The following RARB variants were observed in gnomAD, a reference collection of about 807,000 sequenced individuals.
RARB encodes retinoic acid receptor beta.
In RARB, 17 loss-of-function variants were observed where a neutral mutation model predicts 51.9. The ratio of observed to expected loss-of-function variants is 0.33; its 90% CI spans 0.22 to 0.49. The LOEUF (loss-of-function observed/expected upper bound fraction) is 0.49, where lower values mean the gene tolerates loss of function less well. Ranked by LOEUF, RARB falls within the 20% of genes least tolerant of loss-of-function variation. RARB has a pLI of 0.99. For synonymous variants in RARB, 215 were observed against 195.4 expected, an observed-to-expected ratio of 1.10 and a Z score of -0.84; for missense variants, 369 against 550.8, an observed-to-expected ratio of 0.67 and a Z score of 3.30.
intron 5 of RARB, among the ~76,000 whole-genome samples, chr3:25,338,367 A>G (rs1260639593): frequency 1.3e-5 from 2 of 152,136 alleles, no homozygotes; most frequent in African/African-American, 2.4e-5. Flanking sequence ...CATGATTGGA[A>G]TGTGTGGCAT....
At chr3:25,052,965 C>T (rs974047187) in intron 2 of RARB, among the ~76,000 whole-genome samples, 2 of 152,050 alleles carry the variant, frequency 1.3e-5, no homozygotes, top group African/African-American at 4.8e-5. Flanking sequence ...TGTCCTTCCT[C>T]TAGGTTACCT....
At chr3:25,312,942 C>A (rs1704325732) in intron 5 of RARB, among the ~76,000 whole-genome samples, 1 of 152,168 alleles carries the variant, frequency 6.6e-6, no homozygotes, top group Non-Finnish European at 1.5e-5. Context: ...TTTTCTCCAC[C>A]CATCTGTATC....
At chr3:25,324,161 T>C (rs927851878) in intron 5 of RARB, 1 of 152,574 alleles carries the variant, frequency 6.6e-6, no homozygotes, top group East Asian at 1.9e-4. Flanking sequence ...TTTTGACTTC[T>C]GGAAATGTAG....
At chr3:24,866,605 C>T (rs1276119902) in intron 2 of RARB, among the ~76,000 whole-genome samples, 1 of 152,104 alleles carries the variant, frequency 6.6e-6, no homozygotes, top group Non-Finnish European at 1.5e-5. Context: ...CAACCTCCCT[C>T]ACCGGCCGAG....
At chr3:24,924,453 C>G (rs1312721432) in intron 2 of RARB, among the ~76,000 whole-genome samples, 1 of 152,270 alleles carries the variant, frequency 6.6e-6, no homozygotes, top group African/African-American at 2.4e-5. Flanking sequence ...ATGGTAGCCA[C>G]TAGCTAGATA....
At chr3:25,044,853 C>A (rs987958719) in intron 2 of RARB, among the ~76,000 whole-genome samples, 4 of 152,108 alleles carry the variant, frequency 2.6e-5, no homozygotes, top group Non-Finnish European at 5.9e-5. Flanking sequence ...ATCTTTGAAC[C>A]ATTCTTTCCC....
intron 2 of RARB, among the ~76,000 whole-genome samples, chr3:25,008,236 T>G (rs772991446): frequency 6.6e-6 from 1 of 152,148 alleles, no homozygotes; most frequent in Non-Finnish European, 1.5e-5. Context: ...GCTTGTACAT[T>G]TTAGCAGTTT....
chr3:24,924,786 C>G (rs968612846), intron 2 of RARB, among the ~76,000 whole-genome samples: 2 of 152,134 alleles, frequency 1.3e-5, no homozygotes, highest in Admixed American at 6.6e-5. Flanking sequence ...CAAAACCTAG[C>G]TCTACCACGT....
intron 2 of RARB, among the ~76,000 whole-genome samples, chr3:24,985,114 C>A (rs1178066671): frequency 6.6e-6 from 1 of 152,196 alleles, no homozygotes. Flanking sequence ...ACCAATACAG[C>A]TAGCATGGAA....
chr3:24,987,628 C>T (rs1430342018), intron 2 of RARB, among the ~76,000 whole-genome samples: 1 of 152,184 alleles, frequency 6.6e-6, no homozygotes, highest in East Asian at 1.9e-4. Flanking sequence ...CCACTAATGG[C>T]CCGGTTTTAA....
At chr3:24,914,834 T>A (rs1695071901) in intron 2 of RARB, among the ~76,000 whole-genome samples, 2 of 152,202 alleles carry the variant, frequency 1.3e-5, no homozygotes, top group African/African-American at 4.8e-5. Context: ...CCCGAAATGA[T>A]GTGGTAATCT....
At chr3:25,221,649 C>T (rs1214732851) in intron 5 of RARB, among the ~76,000 whole-genome samples, 2 of 151,804 alleles carry the variant, frequency 1.3e-5, no homozygotes, top group East Asian at 3.9e-4. Context: ...CCGTTTCTGG[C>T]AGTCTTAAAG....
chr3:25,273,760 C>T (rs774251272), intron 5 of RARB, among the ~76,000 whole-genome samples: 1 of 152,368 alleles, frequency 6.6e-6, no homozygotes, highest in Middle Eastern at 3.4e-3. Context: ...CTAGCTGGCA[C>T]TTGACTCCAC....
intron 5 of RARB, among the ~76,000 whole-genome samples, chr3:25,419,015 A>G (rs1282995321): frequency 1.3e-5 from 2 of 150,332 alleles, no homozygotes. Flanking sequence ...CGTAGAAATG[A>G]AGACCCAAAG....
intron 5 of RARB, among the ~76,000 whole-genome samples, chr3:25,220,546 G>A (rs1701925269): frequency 6.6e-6 from 1 of 152,126 alleles, no homozygotes; most frequent in Non-Finnish European, 1.5e-5. Flanking sequence ...TTGAATCATG[G>A]GGGCAGTTTC....
At chr3:25,576,081 C>T (rs1288512752) in intron 4 of RARB, among the ~76,000 whole-genome samples, 1 of 152,012 alleles carries the variant, frequency 6.6e-6, no homozygotes, top group Non-Finnish European at 1.5e-5. Context: ...GAAAGACGTT[C>T]CCAGCAAAAG....
intron 2 of RARB, among the ~76,000 whole-genome samples, chr3:25,047,442 A>G (rs1698240089): frequency 2.0e-5 from 3 of 152,194 alleles, no homozygotes; most frequent in African/African-American, 7.2e-5. Flanking sequence ...TGTTTATGTA[A>G]AAGAAACCTG....
chr3:24,959,708 A>G (rs922237208), intron 2 of RARB, among the ~76,000 whole-genome samples: 1 of 152,190 alleles, frequency 6.6e-6, no homozygotes, highest in African/African-American at 2.4e-5. Context: ...CAAAATGAAA[A>G]GCCAGAGGAT....
At chr3:25,504,840 C>T (rs989437076) in intron 3 of RARB, among the ~76,000 whole-genome samples, 1 of 150,408 alleles carries the variant, frequency 6.6e-6, no homozygotes, top group Non-Finnish European at 1.5e-5. Context: ...TCCCTGCAAC[C>T]TCCACCTCCT....
Sources: allele counts gnomAD v4.1 joint callset (sites outside exome capture counted in the v4.1 genomes callset), GRCh38; gene constraint gnomAD v4.1.1; transcripts MANE v1.5; gene names NCBI Gene and HGNC (gene_info 2026-07-23, HGNC 2026-07-21).